Variants in SCFD2 observed in about 807,000 individuals in gnomAD.
SCFD2 encodes sec1 family domain containing 2.
Under a neutral mutation model 58.9 loss-of-function variants are expected in SCFD2, and 54 were observed. That is an observed-to-expected ratio of 0.92 (90% CI 0.74 to 1.15). SCFD2 has a LOEUF of 1.15. SCFD2 is among the 50% of genes most tolerant of loss of function. SCFD2 has a pLI of 0.00. For synonymous variants in SCFD2, 321 were observed against 335.9 expected (o/e 0.96, Z 0.49); for missense variants, 805 against 836.6 (o/e 0.96, Z 0.47).
chr4:53,092,585 T>A (rs1377266491), intron 5 of SCFD2, among the ~76,000 whole-genome samples: 1 of 152,102 alleles, frequency 6.6e-6, no homozygotes, highest in Non-Finnish European at 1.5e-5. Context: ...CTGTGCTACA[T>A]ATATACCACG....
intron 5 of SCFD2, among the ~76,000 whole-genome samples, chr4:53,083,774 C>T (rs926000518): frequency 1.3e-5 from 2 of 152,058 alleles, no homozygotes; most frequent in African/African-American, 2.4e-5. Context: ...GAATCTCAGA[C>T]CAGCAAGTTT....
chr4:52,939,137 G>C (rs1234596124), intron 5 of SCFD2, among the ~76,000 whole-genome samples: 1 of 152,096 alleles, frequency 6.6e-6, no homozygotes, highest in Admixed American at 6.6e-5. Flanking sequence ...GGGGTTGTTT[G>C]TTATTAGCAC....
intron 5 of SCFD2, among the ~76,000 whole-genome samples, chr4:53,047,572 G>A (rs1398365189): frequency 2.6e-5 from 4 of 152,102 alleles, no homozygotes; most frequent in Admixed American, 6.6e-5. Flanking sequence ...CCTGTACCAC[G>A]CACACTAATG....
chr4:53,220,059 T>C (rs1309690780), intron 4 of SCFD2, among the ~76,000 whole-genome samples: 1 of 152,160 alleles, frequency 6.6e-6, no homozygotes, highest in Non-Finnish European at 1.5e-5. Flanking sequence ...AGCCTCATGG[T>C]TCACTCCCTC....
intron 3 of SCFD2, among the ~76,000 whole-genome samples, chr4:53,291,380 C>T (rs142620226): frequency 6.7e-4 from 102 of 152,126 alleles, no homozygotes; most frequent in East Asian, 4.5e-3. Flanking sequence ...TTCACAATTG[C>T]TACAAAGAGA....
At chr4:53,238,766 G>A (rs1335978496) in intron 4 of SCFD2, among the ~76,000 whole-genome samples, 5 of 150,104 alleles carry the variant, frequency 3.3e-5, no homozygotes, top group Non-Finnish European at 5.9e-5. Flanking sequence ...GACGATGGGC[G>A]GCCGGGCAGA....
intron 4 of SCFD2, among the ~76,000 whole-genome samples, chr4:53,220,565 A>C (rs1342392980): frequency 1.3e-5 from 2 of 151,284 alleles, no homozygotes; most frequent in Non-Finnish European, 3.0e-5. Flanking sequence ...TATAAAATGC[A>C]GTCAGGTATT....
At chr4:53,244,006 T>C (rs1729984433) in intron 4 of SCFD2, among the ~76,000 whole-genome samples, 2 of 152,032 alleles carry the variant, frequency 1.3e-5, no homozygotes, top group African/African-American at 2.4e-5. Flanking sequence ...AGAAAATACA[T>C]TATAGAAAAG....
intron 2 of SCFD2, 64 bp from the exon 3 acceptor site, chr4:53,313,827 A>G (rs562975405): frequency 9.4e-6 from 14 of 1,490,890 alleles, no homozygotes; most frequent in Non-Finnish European, 1.1e-5. Context: ...AAGGGTTGAA[A>G]GCAAAATACT....
chr4:53,179,089 CAGG>C (rs1194045975), intron 4 of SCFD2, among the ~76,000 whole-genome samples: 1 of 152,120 alleles, frequency 6.6e-6, no homozygotes, highest in Non-Finnish European at 1.5e-5. Flanking sequence ...GGATATTATC[CAGG>C]AGAACTTCCC....
chr4:53,311,577 GA>G (rs1732691001), intron 3 of SCFD2, among the ~76,000 whole-genome samples: 1 of 151,904 alleles, frequency 6.6e-6, no homozygotes, highest in South Asian at 2.1e-4. Flanking sequence ...TTGTATCACT[GA>G]AACACAATAT....
chr4:53,182,232 A>G (rs1336427997), intron 4 of SCFD2, among the ~76,000 whole-genome samples: 4 of 152,218 alleles, frequency 2.6e-5, no homozygotes, highest in Non-Finnish European at 4.4e-5. Flanking sequence ...TGGAGGCATC[A>G]TGCTACCTGA....
At chr4:52,981,744 G>C (rs916726675) in intron 5 of SCFD2, among the ~76,000 whole-genome samples, 3 of 152,118 alleles carry the variant, frequency 2.0e-5, no homozygotes, top group Non-Finnish European at 4.4e-5. Context: ...CAGGAGAGAC[G>C]GTCAGGGCTT....
At chr4:53,002,456 T>C (rs1224355725) in intron 5 of SCFD2, among the ~76,000 whole-genome samples, 2 of 152,172 alleles carry the variant, frequency 1.3e-5, no homozygotes, top group Non-Finnish European at 2.9e-5. Context: ...GCAGCCTTGC[T>C]TAATATCACT....
At chr4:53,353,926 A>G (rs1439431999) in intron 1 of SCFD2, among the ~76,000 whole-genome samples, 1 of 152,210 alleles carries the variant, frequency 6.6e-6, no homozygotes, top group Non-Finnish European at 1.5e-5. Flanking sequence ...ACTTTGAGCT[A>G]GACACAAAGT....
At chr4:52,942,639 C>G (rs1046282815) in intron 5 of SCFD2, among the ~76,000 whole-genome samples, 1 of 152,070 alleles carries the variant, frequency 6.6e-6, no homozygotes, top group African/African-American at 2.4e-5. Flanking sequence ...TATGGAAAGC[C>G]CTTGAAACAG....
At chr4:53,141,630 T>C (rs1726168647) in intron 5 of SCFD2, among the ~76,000 whole-genome samples, 1 of 127,444 alleles carries the variant, frequency 7.8e-6, no homozygotes, top group Non-Finnish European at 1.7e-5. Flanking sequence ...AATGTACATT[T>C]GTGGAGTCAA....
intron 5 of SCFD2, among the ~76,000 whole-genome samples, chr4:52,927,949 A>T (rs1372245425): frequency 6.6e-6 from 1 of 152,170 alleles, no homozygotes; most frequent in African/African-American, 2.4e-5. Context: ...ATAAGCACAT[A>T]TTTCTGAGGT....
intron 5 of SCFD2, among the ~76,000 whole-genome samples, chr4:52,926,088 C>T (rs1719856832): frequency 6.6e-6 from 1 of 152,018 alleles, no homozygotes; most frequent in African/African-American, 2.4e-5. Context: ...ATTTCCAGCC[C>T]CAACATAATT....
Sources: allele counts gnomAD v4.1 joint callset (sites outside exome capture counted in the v4.1 genomes callset), GRCh38; gene constraint gnomAD v4.1.1; transcripts MANE v1.5; gene names NCBI Gene and HGNC (gene_info 2026-07-23, HGNC 2026-07-21).